MRTFB: variants seen among roughly 807,000 people sequenced by gnomAD.
The protein encoded by MRTFB is myocardin-related transcription factor B.
MRTFB carries 29 observed loss-of-function variants against 104.2 expected under a neutral mutation model. The observed-to-expected ratio is 0.28, with a 90% confidence interval of 0.21 to 0.38. The LOEUF (loss-of-function observed/expected upper bound fraction) is 0.38, where lower values mean the gene tolerates loss of function less well. Among genes scored for constraint, MRTFB ranks in the 10% least tolerant of loss-of-function variants. The probability of loss-of-function intolerance (pLI) is 1.00; values close to 1 mark genes in which losing one functional copy is unlikely to be tolerated. For missense variants in MRTFB, 1,270 were observed against 1,341.6 expected (o/e 0.95, Z 0.83); for synonymous variants, 535 against 519.5 (o/e 1.03, Z -0.41).
the MRTFB span, among the ~76,000 whole-genome samples, chr16:14,052,266 CT>C: frequency 1.3e-5 from 2 of 151,932 alleles, no homozygotes; most frequent in African/African-American, 4.8e-5. Flanking sequence ...GGATTCTATT[CT>C]TTTTTAAAAA....
intron 10 of MRTFB, chr16:14,241,120 A>G (rs1410294600): frequency 1.1e-5 from 3 of 276,870 alleles, no homozygotes; most frequent in Non-Finnish European, 2.0e-5. Context: ...TCAACACAGC[A>G]GATAGACAAC....
At chr16:14,182,152 C>T (rs1006752499) in intron 3 of MRTFB, among the ~76,000 whole-genome samples, 1 of 152,196 alleles carries the variant, frequency 6.6e-6, no homozygotes, top group Non-Finnish European at 1.5e-5. Context: ...GGGGGTTTCT[C>T]CTACTGAGGG....
At chr16:14,025,754 C>G in the MRTFB span, among the ~76,000 whole-genome samples, 1 of 152,054 alleles carries the variant, frequency 6.6e-6, no homozygotes, top group Non-Finnish European at 1.5e-5. Flanking sequence ...AACTCCTGGA[C>G]TAATAAACAA....
chr16:14,215,243 A>G (rs926502306), intron 6 of MRTFB, among the ~76,000 whole-genome samples: 8 of 152,224 alleles, frequency 5.3e-5, no homozygotes, highest in Non-Finnish European at 5.9e-5. Flanking sequence ...TGAATTAACC[A>G]TAAGTGATGT....
chr16:14,111,720 G>C (rs1412673377), intron 2 of MRTFB, among the ~76,000 whole-genome samples: 1 of 152,180 alleles, frequency 6.6e-6, no homozygotes, highest in East Asian at 1.9e-4. Flanking sequence ...GGGAGGTGCT[G>C]AAGCCTCAGA....
the MRTFB span, among the ~76,000 whole-genome samples, chr16:14,033,381 AC>A: frequency 3.0e-5 from 1 of 33,786 alleles, no homozygotes; most frequent in African/African-American, 1.0e-4. Flanking sequence ...CCTCATCTCT[AC>A]AAAAAAATGT....
At chr16:14,033,496 G>A in the MRTFB span, among the ~76,000 whole-genome samples, 20 of 151,978 alleles carry the variant, frequency 1.3e-4, no homozygotes, top group East Asian at 3.9e-4. Flanking sequence ...AGCCGTGTTC[G>A]TGCCACTCTT....
At chr16:14,246,356 G>A (rs780857429) in intron 11 of MRTFB, 117 bp from the exon 12 acceptor site, 2 of 918,194 alleles carry the variant, frequency 2.2e-6, no homozygotes, top group South Asian at 1.7e-5. Context: ...CTACTTTCAG[G>A]TGTGCCGTAA....
At chr16:14,242,701 G>A (rs780857573) in intron 10 of MRTFB, among the ~76,000 whole-genome samples, 21 of 152,140 alleles carry the variant, frequency 1.4e-4, no homozygotes, top group Admixed American at 7.2e-4. Flanking sequence ...CCCTCTGAAC[G>A]CAGGTCTCTC....
At chr16:14,109,826 A>G (rs995556208) in intron 2 of MRTFB, among the ~76,000 whole-genome samples, 5 of 152,216 alleles carry the variant, frequency 3.3e-5, no homozygotes, top group Admixed American at 3.3e-4. Flanking sequence ...ATTATAGAGT[A>G]CTTCTTGTTG....
At chr16:14,225,967 C>G (rs1304045264) in intron 8 of MRTFB, among the ~76,000 whole-genome samples, 1 of 152,098 alleles carries the variant, frequency 6.6e-6, no homozygotes, top group Non-Finnish European at 1.5e-5. Flanking sequence ...GTGGAGGGGC[C>G]AACCACCAGT....
In MRTFB at chr16:14,247,146, A is replaced by G. The variant is rs2043052615; in HGVS notation, c.1886A>G (p.Gln629Arg). ...SAPGHSVKSD[Q>R]KHGSLGSSIK... is the part of the protein sequence containing the mutation. ...CCAGGTCATTCTGTCAAGTCAGATC[A>G]GAAGCACGGCAGCCTTGGCTCCTCC... Residue 629 changes from glutamine (Q) to arginine (R), a missense_variant, in exon 12 of 17, where the codon CAG becomes CGG. By Grantham distance (43) the Gln-to-Arg change is conservative. Around this residue, in one of 3 missense-constraint regions of MRTFB, gnomAD observed 1,144 missense variants for 1,131.5 expected, o/e 1.01. Coordinates refer to ENST00000571589, the MANE Select transcript of MRTFB (RefSeq NM_001308142.2). 6.2e-7 allele frequency: 1 copy of G among 1,614,186 alleles called. No individual in the cohort carries two copies. Among genetic ancestry groups the G allele is most frequent in the Non-Finnish European group, 8.5e-7 (1 of 1,180,034 alleles).
chr16:14,147,863 A>T (rs781640413), intron 3 of MRTFB, among the ~76,000 whole-genome samples: 25 of 152,216 alleles, frequency 1.6e-4, no homozygotes, highest in Admixed American at 1.6e-3. Flanking sequence ...ATTTATTAAC[A>T]GTAAGATTTA....
chr16:14,082,194 T>C (rs2034452518), intron 2 of MRTFB, among the ~76,000 whole-genome samples: 1 of 152,236 alleles, frequency 6.6e-6, no homozygotes, highest in African/African-American at 2.4e-5. Context: ...AAGTCTTTAA[T>C]ACATTTTGAG....
intron 3 of MRTFB, among the ~76,000 whole-genome samples, chr16:14,197,295 C>A (rs1188156964): frequency 6.6e-6 from 1 of 152,116 alleles, no homozygotes; most frequent in African/African-American, 2.4e-5. Flanking sequence ...TTCTTTAATG[C>A]AGCTTGAATT....
At chr16:14,123,313 T>C (rs899309958) in intron 2 of MRTFB, among the ~76,000 whole-genome samples, 12 of 133,970 alleles carry the variant, frequency 9.0e-5, no homozygotes, top group Non-Finnish European at 1.7e-4. Flanking sequence ...CCATTGGCTT[T>C]TGTTGCCGTT....
the MRTFB span, among the ~76,000 whole-genome samples, chr16:13,998,165 G>A: frequency 2.0e-5 from 3 of 152,206 alleles, no homozygotes; most frequent in Non-Finnish European, 4.4e-5. Context: ...GCAAGGGGGT[G>A]AGTCGTAGGC....
chr16:14,048,222 T>C, the MRTFB span, among the ~76,000 whole-genome samples: 1 of 152,160 alleles, frequency 6.6e-6, no homozygotes, highest in Non-Finnish European at 1.5e-5. Context: ...AAGAGGTGGG[T>C]TCCCATGGTC....
chr16:14,233,015 A>G (rs1307487609), intron 8 of MRTFB, among the ~76,000 whole-genome samples: 2 of 152,230 alleles, frequency 1.3e-5, no homozygotes, highest in African/African-American at 4.8e-5. Flanking sequence ...CAATATGCAA[A>G]TTTTGACTAG....
Sources: allele counts gnomAD v4.1 joint callset (sites outside exome capture counted in the v4.1 genomes callset), GRCh38; gene constraint gnomAD v4.1.1; regional missense constraint gnomAD v4.1.1; transcripts MANE v1.5; gene names NCBI Gene and HGNC (gene_info 2026-07-23, HGNC 2026-07-21).